GPR158: variants seen among roughly 807,000 people sequenced by gnomAD.
The protein encoded by GPR158 is G protein-coupled receptor 158.
Under a neutral mutation model 78.2 loss-of-function variants are expected in GPR158, and 30 were observed. The observed-to-expected ratio is 0.38, with a 90% CI of 0.29 to 0.52. The LOEUF is 0.52. Among genes scored for constraint, GPR158 ranks in the 20% least tolerant of loss-of-function variants. The probability of loss-of-function intolerance (pLI) is 0.83; values close to 1 mark genes in which losing one functional copy is unlikely to be tolerated. For synonymous variants in GPR158, 581 were observed against 591.1 expected (o/e 0.98, Z 0.25); for missense variants, 1,463 against 1,523.5 (o/e 0.96, Z 0.66).
chr10:25,529,374 G>A (rs1241000722), intron 5 of GPR158, among the ~76,000 whole-genome samples: 1 of 150,352 alleles, frequency 6.7e-6, no homozygotes, highest in Non-Finnish European at 1.5e-5. Context: ...GTGACAGAGC[G>A]AGACTCCTCA....
intron 2 of GPR158, among the ~76,000 whole-genome samples, chr10:25,221,989 C>T (rs1853304934): frequency 6.6e-6 from 1 of 152,020 alleles, no homozygotes; most frequent in South Asian, 2.1e-4. Context: ...GAATTTTTGC[C>T]ATTTGTGAAA....
chr10:25,291,261 G>A (rs1049485831), intron 2 of GPR158, among the ~76,000 whole-genome samples: 8 of 151,860 alleles, frequency 5.3e-5, no homozygotes, highest in Non-Finnish European at 1.2e-4. Context: ...AAATATGTGA[G>A]GTAATATAAA....
intron 2 of GPR158, among the ~76,000 whole-genome samples, chr10:25,248,360 CT>C (rs1272163078): frequency 2.6e-5 from 4 of 152,102 alleles, no homozygotes; most frequent in African/African-American, 9.7e-5. Context: ...GTTGCCATTG[CT>C]TTTGGTGTTT....
chr10:25,210,682 T>C (rs1235016039), intron 1 of GPR158, among the ~76,000 whole-genome samples: 1 of 152,258 alleles, frequency 6.6e-6, no homozygotes, highest in African/African-American at 2.4e-5. Flanking sequence ...AAACTGTTTA[T>C]ATCCTTTGCC....
At chr10:25,192,040 T>G (rs1439093295) in intron 1 of GPR158, among the ~76,000 whole-genome samples, 1 of 152,176 alleles carries the variant, frequency 6.6e-6, no homozygotes, top group Non-Finnish European at 1.5e-5. Context: ...ACGGTTTGGC[T>G]GTGTCTGCAC....
chr10:25,204,648 G>A (rs1000028847), intron 1 of GPR158, among the ~76,000 whole-genome samples: 31 of 152,036 alleles, frequency 2.0e-4, no homozygotes, highest in African/African-American at 2.7e-4. Flanking sequence ...TGTTGGATTC[G>A]GTTTGCCAGT....
chr10:25,517,584 G>T lies in GPR158; in HGVS notation c.1405-33392G>T, dbSNP rs1032404709. On this transcript the variant is annotated intron_variant, in intron 5 of 10. Coordinates refer to ENST00000376351, the MANE Select transcript of GPR158 (RefSeq NM_020752.3). ...TTATTGAGAGTTTTTAGCATGAAGG[G>T]TTGTTGAATTTTGTCAAAGGCCTTT... 6.5e-4 allele frequency among the ~76,000 whole-genome samples: 99 copies of T among 152,112 alleles called. No homozygotes were observed. In the South Asian group the frequency reaches 0.014, roughly 21 times the overall value.
intron 2 of GPR158, among the ~76,000 whole-genome samples, chr10:25,355,548 T>C (rs2130525564): frequency 6.6e-6 from 1 of 152,214 alleles, no homozygotes; most frequent in Admixed American, 6.5e-5. Flanking sequence ...GAGGTCATGG[T>C]TCCCTGTTGG....
intron 3 of GPR158, among the ~76,000 whole-genome samples, chr10:25,410,262 T>C (rs1410490362): frequency 6.6e-6 from 1 of 152,168 alleles, no homozygotes; most frequent in Non-Finnish European, 1.5e-5. Flanking sequence ...TCCTAATTAA[T>C]CCTTGCATCT....
intron 1 of GPR158, among the ~76,000 whole-genome samples, chr10:25,182,876 A>T (rs936103376): frequency 1.3e-5 from 2 of 152,230 alleles, no homozygotes; most frequent in African/African-American, 4.8e-5. Flanking sequence ...AGAGTTATTT[A>T]TGCAGAATTA....
intron 3 of GPR158, among the ~76,000 whole-genome samples, chr10:25,410,992 T>C (rs1218099904): frequency 6.6e-6 from 1 of 152,204 alleles, no homozygotes; most frequent in Non-Finnish European, 1.5e-5. Flanking sequence ...AGAACCTCTT[T>C]CCCAAATTCC....
chr10:25,542,053 A>G (rs1206278590), intron 5 of GPR158, among the ~76,000 whole-genome samples: 1 of 151,164 alleles, frequency 6.6e-6, no homozygotes, highest in African/African-American at 2.4e-5. Context: ...ATCAAAGGAC[A>G]ACTTCATCAA....
chr10:25,269,834 G>A (rs566679396), intron 2 of GPR158, among the ~76,000 whole-genome samples: 23 of 152,220 alleles, frequency 1.5e-4, no homozygotes, highest in Non-Finnish European at 2.8e-4. Context: ...ATCCAAAAGT[G>A]TTCATCCTTT....
intron 3 of GPR158, among the ~76,000 whole-genome samples, chr10:25,397,513 T>G (rs1354281573): frequency 1.3e-5 from 2 of 152,224 alleles, no homozygotes; most frequent in African/African-American, 2.4e-5. Flanking sequence ...AAGGGTTCAT[T>G]GAGATTGAGA....
At chr10:25,187,532 C>T (rs1852705521) in intron 1 of GPR158, among the ~76,000 whole-genome samples, 1 of 152,092 alleles carries the variant, frequency 6.6e-6, no homozygotes, top group Non-Finnish European at 1.5e-5. Context: ...AGACAAAAAC[C>T]ACATGATTAT....
chr10:25,448,955 A>T (rs977928103), intron 4 of GPR158, among the ~76,000 whole-genome samples: 8 of 152,166 alleles, frequency 5.3e-5, no homozygotes, highest in African/African-American at 1.4e-4. Context: ...TACAATTCTG[A>T]ATTTTGGTGT....
At chr10:25,314,343 C>T (rs1477618074) in intron 2 of GPR158, among the ~76,000 whole-genome samples, 1 of 152,140 alleles carries the variant, frequency 6.6e-6, no homozygotes, top group Non-Finnish European at 1.5e-5. Context: ...TCATGATCTG[C>T]CCACCTCGGC....
intron 6 of GPR158, among the ~76,000 whole-genome samples, chr10:25,559,721 A>G (rs1836837607): frequency 6.6e-6 from 1 of 152,186 alleles, no homozygotes; most frequent in African/African-American, 2.4e-5. Context: ...GAGAGTAAAA[A>G]CCATCCAAGA....
In GPR158 at chr10:25,221,543, T is replaced by G. The variant is rs1390785445; in HGVS notation, c.1008+386T>G. 4.6e-5 allele frequency among the ~76,000 whole-genome samples: 7 copies of G among 152,212 alleles called. No homozygotes were observed. In the East Asian group the frequency reaches 1.3e-3, roughly 29 times the overall value. On this transcript the variant is annotated intron_variant, in intron 2 of 10. Coordinates refer to ENST00000376351, the MANE Select transcript of GPR158 (RefSeq NM_020752.3). The stretch of plus-strand genomic sequence containing the variant: ...ATTGGTGGTATTCATTCAGACACAC[T>G]GCTATCTGCTAGAAGAGCACTAGAG...
Sources: allele counts gnomAD v4.1 joint callset (sites outside exome capture counted in the v4.1 genomes callset), GRCh38; gene constraint gnomAD v4.1.1; transcripts MANE v1.5; gene names NCBI Gene and HGNC (gene_info 2026-07-23, HGNC 2026-07-21).